Variants in MTUS2 observed in about 807,000 individuals in gnomAD.
MTUS2 encodes microtubule-associated tumor suppressor candidate 2.
Under a neutral mutation model 114.1 loss-of-function variants are expected in MTUS2, and 40 were observed. The observed-to-expected ratio is 0.35, with a 90% CI of 0.27 to 0.46. The LOEUF is 0.46. MTUS2 is among the 20% of genes least tolerant of loss of function. The pLI, the probability that MTUS2 is intolerant of heterozygous loss-of-function variation, is 1.00. For missense variants in MTUS2, 1,679 were observed against 1,705.4 expected (o/e 0.98, Z 0.27); for synonymous variants, 688 against 672.0 (o/e 1.02, Z -0.37).
At chr13:29,018,852 C>T (rs1163447081) in intron 2 of MTUS2, among the ~76,000 whole-genome samples, 1 of 148,320 alleles carries the variant, frequency 6.7e-6, no homozygotes, top group Non-Finnish European at 1.5e-5. Context: ...ATTGTGAGCT[C>T]AGGAGAGCTG....
Position 29,220,076 on chromosome 13 carries a change from A to G in MTUS2, c.2645-61628A>G, listed in dbSNP as rs1417165789. Among the ~76,000 whole-genome samples, 12 of 150,368 alleles carry G rather than the reference A, an allele frequency of 8.0e-5. No individual in the cohort carries two copies. The East Asian group carries it at 2.2e-3, about 27-fold the overall frequency. On this transcript the variant is annotated intron_variant, in intron 5 of 15. Transcript: ENST00000612955. ...AATGGCACAATCTCTGCTCACTGCAACCTCCACCTCCCGGGTTCAAGCCAT... is the reference window on the plus strand; with the variant it reads ...AATGGCACAATCTCTGCTCACTGCAGCCTCCACCTCCCGGGTTCAAGCCAT...
At chr13:29,349,439 T>TTTCTTTAA (rs1566146622) in intron 7 of MTUS2, among the ~76,000 whole-genome samples, 1 of 152,188 alleles carries the variant, frequency 6.6e-6, no homozygotes, top group African/African-American at 2.4e-5. Flanking sequence ...GAAATTTAAA[T>TTTCTTTAA]AAGAAGAAGT....
At chr13:29,283,640 T>A (rs1477621505) in intron 6 of MTUS2, among the ~76,000 whole-genome samples, 6 of 152,280 alleles carry the variant, frequency 3.9e-5, no homozygotes, top group African/African-American at 1.4e-4. Context: ...TCCCCAGAGT[T>A]ATTGGTTCAG....
At chr13:29,079,566 T>C (rs1889351317) in intron 4 of MTUS2, among the ~76,000 whole-genome samples, 1 of 152,212 alleles carries the variant, frequency 6.6e-6, no homozygotes, top group Non-Finnish European at 1.5e-5. Context: ...AAGCTTTTAA[T>C]TCATTTTGAA....
intron 5 of MTUS2, among the ~76,000 whole-genome samples, chr13:29,143,648 G>A (rs373880257): frequency 6.6e-6 from 1 of 152,182 alleles, no homozygotes; most frequent in Non-Finnish European, 1.5e-5. Flanking sequence ...AGTTGATGGG[G>A]TGCCTCAGGA....
intron 8 of MTUS2, among the ~76,000 whole-genome samples, chr13:29,423,293 G>A (rs929055666): frequency 2.6e-5 from 4 of 152,110 alleles, no homozygotes; most frequent in Non-Finnish European, 5.9e-5. Context: ...AAGAAATCTC[G>A]CTCCCTTCAA....
intron 5 of MTUS2, among the ~76,000 whole-genome samples, chr13:29,215,906 T>C (rs1184697772): frequency 6.6e-6 from 1 of 152,178 alleles, no homozygotes; most frequent in East Asian, 1.9e-4. Context: ...TCGAGAACTG[T>C]GCTGGGAGAT....
chr13:29,292,489 G>A (rs185043702), intron 6 of MTUS2, among the ~76,000 whole-genome samples: 1 of 152,178 alleles, frequency 6.6e-6, no homozygotes, highest in Non-Finnish European at 1.5e-5. Flanking sequence ...AACCCTTGAG[G>A]GACTTGTAAG....
intron 5 of MTUS2, among the ~76,000 whole-genome samples, chr13:29,134,464 A>C (rs1276767554): frequency 1.3e-5 from 2 of 152,214 alleles, no homozygotes; most frequent in East Asian, 3.8e-4. Context: ...AGAATGGGGT[A>C]TCAAAGTCTC....
chr13:29,182,082 C>T (rs1208710212), intron 5 of MTUS2, among the ~76,000 whole-genome samples: 1 of 152,156 alleles, frequency 6.6e-6, no homozygotes, highest in Non-Finnish European at 1.5e-5. Context: ...CTGGTGGCTA[C>T]TGTTAGAGAT....
At chr13:29,083,043 T>A (rs190162160) in intron 4 of MTUS2, among the ~76,000 whole-genome samples, 2 of 152,228 alleles carry the variant, frequency 1.3e-5, no homozygotes, top group East Asian at 3.9e-4. Flanking sequence ...ATATTTTGCT[T>A]CCTGAACCCA....
chr13:28,907,504 A>G (rs1409112957), intron 2 of MTUS2, among the ~76,000 whole-genome samples: 3 of 151,462 alleles, frequency 2.0e-5, no homozygotes, highest in Non-Finnish European at 4.4e-5. Context: ...TATTCAGGAA[A>G]CCCATCTCAC....
intron 9 of MTUS2, among the ~76,000 whole-genome samples, chr13:29,466,876 C>CAAAAA (rs11296600): frequency 2.4e-3 from 208 of 86,468 alleles, no homozygotes; most frequent in Non-Finnish European, 3.2e-3. Context: ...GACCTCATCT[C>CAAAAA]AAAAAAAAAA....
chr13:29,031,325 T>C (rs1349380809), intron 3 of MTUS2, among the ~76,000 whole-genome samples: 3 of 150,508 alleles, frequency 2.0e-5, no homozygotes, highest in Non-Finnish European at 4.4e-5. Flanking sequence ...ATATATATTA[T>C]CTATATATGT....
chr13:29,249,722 T>C lies in MTUS2; in HGVS notation c.2645-31982T>C, dbSNP rs116323990. ...GAATATTAGACCTTTGTCAGATGGGTGTTTTCCAAAAATTTTCTCCCATTC... is the reference window on the plus strand; with the variant it reads ...GAATATTAGACCTTTGTCAGATGGGCGTTTTCCAAAAATTTTCTCCCATTC... On this transcript the variant is annotated intron_variant, in intron 5 of 15. Transcript: ENST00000612955. Among the ~76,000 whole-genome samples, 1,498 of 152,332 alleles carry C rather than the reference T, an allele frequency of 9.8e-3. 32 individuals carry two copies. Among genetic ancestry groups the C allele is most frequent in the African/African-American group, 0.034 (1,419 of 41,574 alleles).
intron 5 of MTUS2, among the ~76,000 whole-genome samples, chr13:29,153,191 T>A (rs1394272614): frequency 6.6e-6 from 1 of 152,142 alleles, no homozygotes; most frequent in Non-Finnish European, 1.5e-5. Context: ...CTCTTGACAC[T>A]TCAGTCCAAA....
chr13:28,924,283 A>G (rs1881207861), intron 2 of MTUS2, among the ~76,000 whole-genome samples: 1 of 152,118 alleles, frequency 6.6e-6, no homozygotes, highest in African/African-American at 2.4e-5. Flanking sequence ...CAGGGTTTAT[A>G]GTTGTACTTA....
At chr13:29,237,889 G>C (rs1041804427) in intron 5 of MTUS2, among the ~76,000 whole-genome samples, 1 of 152,008 alleles carries the variant, frequency 6.6e-6, no homozygotes, top group South Asian at 2.1e-4. Flanking sequence ...TAAGATGGCT[G>C]TTATCAAAAA....
chr13:29,189,240 T>C (rs868054902), intron 5 of MTUS2, among the ~76,000 whole-genome samples: 1 of 152,260 alleles, frequency 6.6e-6, no homozygotes, highest in African/African-American at 2.4e-5. Flanking sequence ...TCACAAACAT[T>C]AGGTTCAGGA....
Sources: allele counts gnomAD v4.1 joint callset (sites outside exome capture counted in the v4.1 genomes callset), GRCh38; gene constraint gnomAD v4.1.1; transcripts MANE v1.5; gene names NCBI Gene and HGNC (gene_info 2026-07-23, HGNC 2026-07-21).